EPHB1: variants seen among roughly 807,000 people sequenced by gnomAD.
The protein encoded by EPHB1 is EPH receptor B1, also known as ephrin type-B receptor 1.
EPHB1 carries 30 observed loss-of-function variants against 94.4 expected under a neutral mutation model. The ratio of observed to expected loss-of-function variants is 0.32; its 90% confidence interval spans 0.24 to 0.43. The LOEUF is 0.43. Among genes scored for constraint, EPHB1 ranks in the 20% least tolerant of loss-of-function variants. The probability of loss-of-function intolerance (pLI) is 1.00; values close to 1 mark genes in which losing one functional copy is unlikely to be tolerated. For missense variants in EPHB1, 1,055 were observed against 1,308.3 expected, an observed-to-expected ratio of 0.81 and a Z score of 2.99; for synonymous variants, 522 against 489.1, an observed-to-expected ratio of 1.07 and a Z score of -0.89.
chr3:135,250,460 CT>C (rs2107732371), intron 15 of EPHB1, among the ~76,000 whole-genome samples: 1 of 152,178 alleles, frequency 6.6e-6, no homozygotes, highest in East Asian at 1.9e-4. Flanking sequence ...GGTTCCCAGG[CT>C]TTGCTGCACA....
chr3:135,025,302 C>T (rs1429320045), intron 3 of EPHB1, among the ~76,000 whole-genome samples: 1 of 129,974 alleles, frequency 7.7e-6, no homozygotes, highest in Non-Finnish European at 1.6e-5. Flanking sequence ...TGCTGGTGTG[C>T]TGCACCCACT....
chr3:135,034,781 C>T (rs911104014), intron 3 of EPHB1, among the ~76,000 whole-genome samples: 20 of 152,214 alleles, frequency 1.3e-4, no homozygotes, highest in Non-Finnish European at 1.9e-4. Context: ...CAGGTGGGGG[C>T]CCCAGACTGT....
At chr3:135,095,591 G>C (rs1416806953) in intron 3 of EPHB1, among the ~76,000 whole-genome samples, 1 of 152,138 alleles carries the variant, frequency 6.6e-6, no homozygotes, top group Non-Finnish European at 1.5e-5. Context: ...GTGGACTTCA[G>C]GGTAAAGCCA....
At chr3:134,845,591 C>T (rs1199387387) in intron 1 of EPHB1, among the ~76,000 whole-genome samples, 1 of 150,518 alleles carries the variant, frequency 6.6e-6, no homozygotes, top group Non-Finnish European at 1.5e-5. Flanking sequence ...TTCGAGGTCT[C>T]TGATCCAGGG....
chr3:135,139,709 G>A (rs1373252836), intron 5 of EPHB1, among the ~76,000 whole-genome samples: 3 of 152,176 alleles, frequency 2.0e-5, no homozygotes, highest in Admixed American at 2.0e-4. Context: ...CTGGGCTCTT[G>A]GTACCACCCT....
At chr3:134,797,389 G>C (rs771191679) in intron 1 of EPHB1, among the ~76,000 whole-genome samples, 1 of 152,192 alleles carries the variant, frequency 6.6e-6, no homozygotes, top group Non-Finnish European at 1.5e-5. Flanking sequence ...CAGGGTGAGC[G>C]CATTTGCAAG....
At chr3:135,254,740 T>A (rs1933295924) in intron 15 of EPHB1, among the ~76,000 whole-genome samples, 1 of 152,138 alleles carries the variant, frequency 6.6e-6, no homozygotes, top group Non-Finnish European at 1.5e-5. Flanking sequence ...TAAAATGAGT[T>A]AGGGAGGATT....
intron 3 of EPHB1, among the ~76,000 whole-genome samples, chr3:135,062,077 T>C (rs1937519412): frequency 6.6e-6 from 1 of 152,222 alleles, no homozygotes. Flanking sequence ...TAGCACAGTT[T>C]CTTTGTCCAC....
chr3:134,958,123 T>C (rs1053551245), intron 3 of EPHB1, among the ~76,000 whole-genome samples: 2 of 152,136 alleles, frequency 1.3e-5, no homozygotes, highest in Non-Finnish European at 2.9e-5. Flanking sequence ...AAAACCTACA[T>C]GTAAATTCCT....
At chr3:135,136,989 A>T (rs1413261798) in intron 5 of EPHB1, among the ~76,000 whole-genome samples, 2 of 152,232 alleles carry the variant, frequency 1.3e-5, no homozygotes, top group Non-Finnish European at 2.9e-5. Flanking sequence ...CTGGCCCCAG[A>T]TTCAGACTGA....
chr3:134,994,103 G>A (rs1934909295), intron 3 of EPHB1, among the ~76,000 whole-genome samples: 1 of 152,120 alleles, frequency 6.6e-6, no homozygotes, highest in South Asian at 2.1e-4. Flanking sequence ...CAGTGTATTT[G>A]CATCTTCTGT....
chr3:135,076,011 T>A (rs1937897819), intron 3 of EPHB1, among the ~76,000 whole-genome samples: 2 of 152,110 alleles, frequency 1.3e-5, no homozygotes, highest in East Asian at 1.9e-4. Flanking sequence ...CAATTGGATA[T>A]CCATAAGCAG....
At chr3:134,995,053 A>G (rs957487343) in intron 3 of EPHB1, among the ~76,000 whole-genome samples, 2 of 151,752 alleles carry the variant, frequency 1.3e-5, no homozygotes, top group Admixed American at 1.3e-4. Context: ...GTAGAGTTGT[A>G]TGACTACCGC....
At chr3:135,060,635 A>G (rs1464244572) in intron 3 of EPHB1, among the ~76,000 whole-genome samples, 1 of 152,020 alleles carries the variant, frequency 6.6e-6, no homozygotes, top group Non-Finnish European at 1.5e-5. Context: ...TCTTTTTAAA[A>G]CTTTTTTATT....
chr3:134,862,655 C>T (rs1253333477), intron 1 of EPHB1, among the ~76,000 whole-genome samples: 1 of 152,122 alleles, frequency 6.6e-6, no homozygotes, highest in Non-Finnish European at 1.5e-5. Context: ...GAAGCTCCAG[C>T]CTTGGTTGCC....
intron 4 of EPHB1, among the ~76,000 whole-genome samples, chr3:135,111,458 G>A (rs1210020270): frequency 6.6e-6 from 1 of 152,154 alleles, no homozygotes; most frequent in Non-Finnish European, 1.5e-5. Context: ...AATTCTCACA[G>A]ACTGGAACCA....
At chr3:134,995,139 C>G (rs915690726) in intron 3 of EPHB1, among the ~76,000 whole-genome samples, 5 of 152,170 alleles carry the variant, frequency 3.3e-5, no homozygotes, top group Admixed American at 2.0e-4. Flanking sequence ...CAGCACCTTT[C>G]CTCCTTCTTC....
intron 10 of EPHB1, among the ~76,000 whole-genome samples, chr3:135,192,073 T>G (rs571140375): frequency 5.9e-5 from 9 of 152,232 alleles, no homozygotes; most frequent in Non-Finnish European, 1.2e-4. Context: ...AACTCCTCAG[T>G]GTCTGTTTTC....
chr3:134,935,318 G>T (rs1207955402), intron 2 of EPHB1, among the ~76,000 whole-genome samples: 1 of 152,214 alleles, frequency 6.6e-6, no homozygotes, highest in Non-Finnish European at 1.5e-5. Flanking sequence ...AGAAGGGAGG[G>T]TCAGGGTTGT....
Sources: gnomAD v4.1 joint callset for allele counts (sites outside exome capture counted in the v4.1 genomes callset) on GRCh38, gnomAD v4.1.1 for gene constraint, MANE v1.5 for transcripts, NCBI Gene and HGNC (gene_info 2026-07-23, HGNC 2026-07-21) for gene names.